Variants in HPSE2 observed in about 807,000 individuals in gnomAD.
The protein encoded by HPSE2 is heparanase 2 (inactive).
In HPSE2, 38 loss-of-function variants were observed where a neutral mutation model predicts 60.5. The ratio of observed to expected loss-of-function variants is 0.63; its 90% CI spans 0.48 to 0.82. HPSE2 has a LOEUF of 0.82. HPSE2 is among the 40% of genes least tolerant of loss of function. HPSE2 has a pLI of 0.00. For missense variants in HPSE2, 713 were observed against 740.4 expected (o/e 0.96, Z 0.43); for synonymous variants, 295 against 293.2 (o/e 1.01, Z -0.06).
chr10:99,150,884 G>T (rs1846235720), intron 2 of HPSE2, among the ~76,000 whole-genome samples: 1 of 152,058 alleles, frequency 6.6e-6, no homozygotes. Flanking sequence ...AATCCACAGA[G>T]AAATCCATCA....
At chr10:99,295,813 T>C in the HPSE2 span, among the ~76,000 whole-genome samples, 2 of 152,160 alleles carry the variant, frequency 1.3e-5, no homozygotes, top group Non-Finnish European at 2.9e-5. Flanking sequence ...AATGGGGATA[T>C]AAACAAACCC....
chr10:98,526,739 C>A (rs1173729669), intron 9 of HPSE2, among the ~76,000 whole-genome samples: 1 of 152,032 alleles, frequency 6.6e-6, no homozygotes, highest in Non-Finnish European at 1.5e-5. Flanking sequence ...ACATCTTAAC[C>A]ATAAAAGCAA....
chr10:98,494,264 C>T (rs550922999), intron 9 of HPSE2, among the ~76,000 whole-genome samples: 3 of 152,216 alleles, frequency 2.0e-5, no homozygotes, highest in Non-Finnish European at 4.4e-5. Flanking sequence ...GACGCATCCA[C>T]CCTACTGCTA....
chr10:99,312,739 T>C, the HPSE2 span, among the ~76,000 whole-genome samples: 3 of 152,248 alleles, frequency 2.0e-5, no homozygotes, highest in Admixed American at 6.5e-5. Context: ...TCTTATGATT[T>C]AAGAAATACA....
intron 4 of HPSE2, among the ~76,000 whole-genome samples, chr10:98,731,448 G>C (rs1179527511): frequency 6.6e-6 from 1 of 152,114 alleles, no homozygotes; most frequent in Non-Finnish European, 1.5e-5. Flanking sequence ...AAGAACGCAA[G>C]GTTGATTTAA....
chr10:98,757,277 A>G (rs1436159917), intron 3 of HPSE2, among the ~76,000 whole-genome samples: 1 of 152,192 alleles, frequency 6.6e-6, no homozygotes, highest in Admixed American at 6.5e-5. Flanking sequence ...GAACAAGATA[A>G]GAATGGCCAC....
intron 4 of HPSE2, among the ~76,000 whole-genome samples, chr10:98,740,228 A>G (rs959076772): frequency 1.3e-5 from 2 of 151,080 alleles, no homozygotes; most frequent in African/African-American, 4.9e-5. Flanking sequence ...CAGGTTCAAG[A>G]ACAGTAGCAT....
intron 3 of HPSE2, among the ~76,000 whole-genome samples, chr10:98,757,025 T>C (rs552796859): frequency 1.5e-4 from 23 of 152,170 alleles, no homozygotes; most frequent in Admixed American, 1.5e-3. Context: ...CATTGCATAT[T>C]AATACTCAAA....
At chr10:99,303,553 C>T in the HPSE2 span, among the ~76,000 whole-genome samples, 5 of 152,198 alleles carry the variant, frequency 3.3e-5, no homozygotes, top group African/African-American at 1.2e-4. Flanking sequence ...GGAAGGGCCC[C>T]TATCAGGTGT....
At chr10:98,630,274 T>C (rs1326849278) in intron 7 of HPSE2, among the ~76,000 whole-genome samples, 1 of 149,570 alleles carries the variant, frequency 6.7e-6, no homozygotes, top group Non-Finnish European at 1.5e-5. Flanking sequence ...CTTGGCTCAC[T>C]GCAAGCTCCG....
intron 9 of HPSE2, among the ~76,000 whole-genome samples, chr10:98,551,177 T>A (rs1943853792): frequency 6.6e-6 from 1 of 152,056 alleles, no homozygotes. Flanking sequence ...GGAAGCTTGA[T>A]CTTTATTTTG....
intron 3 of HPSE2, among the ~76,000 whole-genome samples, chr10:98,800,293 CAGA>C (rs769314316): frequency 2.6e-5 from 4 of 151,700 alleles, no homozygotes; most frequent in Non-Finnish European, 4.4e-5. Flanking sequence ...CTCTTGATCC[CAGA>C]AGGTCAAGGC....
Position 98,936,613 on chromosome 10 carries a change from T to C in HPSE2, c.611-192557A>G, listed in dbSNP as rs973409625. Among the ~76,000 whole-genome samples the C allele has an allele frequency of 2.1e-5, 3 of 143,622 alleles. 1 individual carries two copies. Among genetic ancestry groups the C allele is most frequent in the Non-Finnish European group, 1.5e-5 (1 of 67,136 alleles). 94.2% of individuals were successfully genotyped at this position (143,622 alleles called of 152,430 possible). On this transcript the variant is annotated intron_variant, in intron 3 of 11. Transcript: ENST00000370552. ...TTCTGCTCTTCCCTATGAGAGCTTTTAATGCTACAAGAACAGAGTTCAGTC... is the reference window on the plus strand; with the variant it reads ...TTCTGCTCTTCCCTATGAGAGCTTTCAATGCTACAAGAACAGAGTTCAGTC...
chr10:98,969,518 ACTCT>A (rs1955897222), intron 3 of HPSE2, among the ~76,000 whole-genome samples: 1 of 151,960 alleles, frequency 6.6e-6, no homozygotes, highest in Non-Finnish European at 1.5e-5. Context: ...CTATACTTTA[ACTCT>A]CTCTTCTTCA....
intron 9 of HPSE2, among the ~76,000 whole-genome samples, chr10:98,524,579 T>C (rs931958239): frequency 1.3e-5 from 2 of 152,210 alleles, no homozygotes; most frequent in African/African-American, 2.4e-5. Flanking sequence ...AATGATAATA[T>C]AGAAGGACAG....
chr10:99,310,336 T>C, the HPSE2 span, among the ~76,000 whole-genome samples: 1 of 152,158 alleles, frequency 6.6e-6, no homozygotes, highest in African/African-American at 2.4e-5. Flanking sequence ...CCAGGGCATA[T>C]AGAGCCACTA....
intron 3 of HPSE2, among the ~76,000 whole-genome samples, chr10:98,838,303 T>C (rs10883217): frequency 0.038 from 5,804 of 152,282 alleles, 239 homozygotes; most frequent in East Asian, 0.17. Flanking sequence ...TAATAGTATG[T>C]ATCTCACCTG....
intron 3 of HPSE2, among the ~76,000 whole-genome samples, chr10:98,968,275 G>A (rs939381090): frequency 1.2e-4 from 18 of 152,120 alleles, no homozygotes; most frequent in Admixed American, 1.3e-4. Flanking sequence ...GATCCCCATA[G>A]ATACACTGTT....
intron 3 of HPSE2, among the ~76,000 whole-genome samples, chr10:98,904,578 G>C (rs1953757664): frequency 6.6e-6 from 1 of 152,150 alleles, no homozygotes; most frequent in South Asian, 2.1e-4. Context: ...GTTCTACTAT[G>C]GTTCCAGTTT....
Sources: allele counts gnomAD v4.1 joint callset (sites outside exome capture counted in the v4.1 genomes callset), GRCh38; gene constraint gnomAD v4.1.1; transcripts MANE v1.5; gene names NCBI Gene and HGNC (gene_info 2026-07-23, HGNC 2026-07-21).